Variants in ARHGAP24 observed in about 807,000 individuals in gnomAD.
ARHGAP24 encodes rho GTPase-activating protein 24.
A neutral mutation model predicts 76.4 loss-of-function variants in ARHGAP24; 50 were observed. That is an observed-to-expected ratio of 0.65 (90% CI 0.52 to 0.83). The LOEUF is 0.83. ARHGAP24 is among the 40% of genes least tolerant of loss of function. The probability of loss-of-function intolerance (pLI) is 0.00; values close to 1 mark genes in which losing one functional copy is unlikely to be tolerated. For synonymous variants in ARHGAP24, 345 were observed against 323.3 expected, an observed-to-expected ratio of 1.07 and a Z score of -0.72; for missense variants, 930 against 914.2, an observed-to-expected ratio of 1.02 and a Z score of -0.22.
intron 3 of ARHGAP24, among the ~76,000 whole-genome samples, chr4:85,863,985 A>G (rs1732046894): frequency 6.6e-6 from 1 of 152,100 alleles, no homozygotes; most frequent in Non-Finnish European, 1.5e-5. Context: ...TGGTTCAATC[A>G]GGCATGACAT....
intron 2 of ARHGAP24, among the ~76,000 whole-genome samples, chr4:85,573,585 A>G (rs1727226703): frequency 6.6e-6 from 1 of 152,266 alleles, no homozygotes; most frequent in African/African-American, 2.4e-5. Context: ...TTTAAGCCAC[A>G]TTAAATAAGA....
intron 1 of ARHGAP24, among the ~76,000 whole-genome samples, chr4:85,506,457 G>A (rs553944031): frequency 6.6e-5 from 10 of 152,250 alleles, no homozygotes; most frequent in East Asian, 1.9e-4. Context: ...AATGGCGGAC[G>A]CCCCTCCCCC....
intron 1 of ARHGAP24, among the ~76,000 whole-genome samples, chr4:85,512,995 T>C (rs980417338): frequency 6.6e-6 from 1 of 152,248 alleles, no homozygotes; most frequent in Non-Finnish European, 1.5e-5. Flanking sequence ...TGCTTGGCCA[T>C]GGGAGTTATG....
intron 3 of ARHGAP24, among the ~76,000 whole-genome samples, chr4:85,769,982 T>C (rs1490315237): frequency 2.6e-5 from 4 of 152,250 alleles, no homozygotes; most frequent in African/African-American, 9.6e-5. Context: ...TGTATATTGC[T>C]TTCCATTGAA....
At chr4:85,485,699 AG>A (rs1723024557) in intron 1 of ARHGAP24, among the ~76,000 whole-genome samples, 1 of 150,856 alleles carries the variant, frequency 6.6e-6, no homozygotes, top group African/African-American at 2.4e-5. Flanking sequence ...AACATAGAAA[AG>A]TCTATGCTGC....
intron 7 of ARHGAP24, among the ~76,000 whole-genome samples, chr4:85,976,332 C>T (rs978690893): frequency 1.3e-5 from 2 of 152,076 alleles, no homozygotes; most frequent in African/African-American, 4.8e-5. Flanking sequence ...AGTGTACGGC[C>T]TCTGGTGTCA....
chr4:85,707,932 C>CT (rs1471108670), intron 2 of ARHGAP24, among the ~76,000 whole-genome samples: 2 of 152,036 alleles, frequency 1.3e-5, no homozygotes, highest in East Asian at 1.9e-4. Flanking sequence ...TGATAGGCTT[C>CT]TTTTTTTCCG....
chr4:85,877,160 T>C (rs1215601035), intron 3 of ARHGAP24, among the ~76,000 whole-genome samples: 1 of 152,180 alleles, frequency 6.6e-6, no homozygotes, highest in Admixed American at 6.5e-5. Flanking sequence ...TTTAAAAATG[T>C]TTTTAGTCTT....
chr4:85,526,515 A>G (rs546864287), intron 1 of ARHGAP24, among the ~76,000 whole-genome samples: 2 of 152,022 alleles, frequency 1.3e-5, no homozygotes, highest in South Asian at 2.1e-4. Flanking sequence ...GGTGTTATAT[A>G]CTAATGGTAT....
intron 3 of ARHGAP24, chr4:85,778,613 T>G: frequency 3.3e-6 from 3 of 921,448 alleles, no homozygotes; most frequent in Non-Finnish European, 2.6e-6. Flanking sequence ...TATTTTGTTT[T>G]GTTTTGTTTC....
intron 3 of ARHGAP24, among the ~76,000 whole-genome samples, chr4:85,921,428 G>A (rs1394606105): frequency 3.9e-5 from 6 of 152,026 alleles, no homozygotes; most frequent in Admixed American, 3.9e-4. Flanking sequence ...GAAAAATAAT[G>A]AGTACTAGGC....
intron 3 of ARHGAP24, among the ~76,000 whole-genome samples, chr4:85,910,173 C>T (rs770464096): frequency 3.3e-5 from 5 of 152,302 alleles, no homozygotes; most frequent in Admixed American, 2.0e-4. Context: ...CACCGGGGAA[C>T]GCAGTGGTGC....
chr4:85,980,004 C>G (rs1004248321), intron 8 of ARHGAP24, among the ~76,000 whole-genome samples: 17 of 152,238 alleles, frequency 1.1e-4, no homozygotes, highest in African/African-American at 4.1e-4. Flanking sequence ...ACAGGCCTTC[C>G]TAGTTTGGGG....
At chr4:85,832,781 C>A (rs185375000) in intron 3 of ARHGAP24, among the ~76,000 whole-genome samples, 4 of 152,288 alleles carry the variant, frequency 2.6e-5, no homozygotes, top group African/African-American at 7.2e-5. Context: ...TATCAGCATA[C>A]TAGAAGGCTT....
intron 2 of ARHGAP24, among the ~76,000 whole-genome samples, chr4:85,688,503 A>G (rs745582931): frequency 1.8e-4 from 28 of 151,738 alleles, no homozygotes; most frequent in Non-Finnish European, 3.8e-4. Flanking sequence ...CTTTGTGACT[A>G]TTTTCTCCCG....
chr4:85,985,994 T>C (rs914648693), intron 8 of ARHGAP24, among the ~76,000 whole-genome samples: 2 of 152,232 alleles, frequency 1.3e-5, no homozygotes, highest in Non-Finnish European at 2.9e-5. Context: ...TTTTATTTTA[T>C]TTTCTTATTT....
intron 1 of ARHGAP24, 116 bp from the exon 2 acceptor site, chr4:85,570,379 TTTCTTTCTTTCTTTCTTTCTTTCTTTC>T: frequency 0.011 from 108 of 9,412 alleles, 15 homozygotes; most frequent in South Asian, 0.031. Flanking sequence ...TCTTTCTTTC[TTTCTTTCTTTCTTTCTTTCTTTCTTTC>T]TTTCTTTCTT....
chr4:85,954,711 G>A (rs1047269861), intron 5 of ARHGAP24, among the ~76,000 whole-genome samples: 3 of 152,322 alleles, frequency 2.0e-5, no homozygotes, highest in African/African-American at 7.2e-5. Context: ...TTCTAGCTTA[G>A]TATTTAAAAT....
chr4:85,586,471 G>A (rs1560542582), intron 2 of ARHGAP24, among the ~76,000 whole-genome samples: 1 of 152,154 alleles, frequency 6.6e-6, no homozygotes, highest in East Asian at 1.9e-4. Flanking sequence ...TACTATTTTG[G>A]TGGTATGCTA....
Sources: gnomAD v4.1 joint callset for allele counts (sites outside exome capture counted in the v4.1 genomes callset) on GRCh38, gnomAD v4.1.1 for gene constraint, MANE v1.5 for transcripts, NCBI Gene and HGNC (gene_info 2026-07-23, HGNC 2026-07-21) for gene names.